Variants in MRTFA observed in about 807,000 individuals in gnomAD.
MRTFA encodes the protein myocardin-related transcription factor A.
In MRTFA, 20 loss-of-function variants were observed where a neutral mutation model predicts 83.5. The observed-to-expected ratio is 0.24, with a 90% CI of 0.17 to 0.35. The LOEUF is 0.35. MRTFA is among the 10% of genes least tolerant of loss of function. The pLI is 1.00. For missense variants in MRTFA, 1,200 were observed against 1,224.7 expected, an observed-to-expected ratio of 0.98 and a Z score of 0.30; for synonymous variants, 659 against 541.2, an observed-to-expected ratio of 1.22 and a Z score of -3.02.
chr22:40,484,166 G>GA (rs11301424), intron 3 of MRTFA, among the ~76,000 whole-genome samples: 163 of 145,276 alleles, frequency 1.1e-3, no homozygotes, highest in South Asian at 5.6e-3. Context: ...TATGGATAAA[G>GA]AAAAAAAAAA....
At chr22:40,411,956 T>TATCTA in intron 14 of MRTFA, 49 bp from the exon 15 acceptor site, 1 of 1,402,728 alleles carries the variant, frequency 7.1e-7, no homozygotes, top group Non-Finnish European at 9.3e-7. Flanking sequence ...CAAGCCTGTA[T>TATCTA]ATCTACATGC....
intron 2 of MRTFA, among the ~76,000 whole-genome samples, chr22:40,564,863 C>A (rs6001965): frequency 0.1 from 15,240 of 152,024 alleles, 922 homozygotes; most frequent in East Asian, 0.25. Flanking sequence ...TGTTGCCAGG[C>A]TGGTCTCAAA....
intron 3 of MRTFA, among the ~76,000 whole-genome samples, chr22:40,550,852 CTTTT>C (rs111531159): frequency 3.4e-5 from 3 of 89,524 alleles, no homozygotes; most frequent in Middle Eastern, 6.5e-3. Flanking sequence ...TTTCTTTTTT[CTTTT>C]TTTTTTTTTT....
chr22:40,579,782 C>T (rs909266312), intron 2 of MRTFA, among the ~76,000 whole-genome samples: 28 of 151,872 alleles, frequency 1.8e-4, no homozygotes, highest in Non-Finnish European at 2.9e-4. Flanking sequence ...ATCTCTTGAA[C>T]CTGGGAGGTG....
At chr22:40,524,707 A>G (rs754777287) in intron 3 of MRTFA, among the ~76,000 whole-genome samples, 1 of 150,774 alleles carries the variant, frequency 6.6e-6, no homozygotes, top group Non-Finnish European at 1.5e-5. Context: ...TCTATCTCCT[A>G]ATCATTATGC....
At chr22:40,608,860 C>A (rs1470783396) in intron 1 of MRTFA, among the ~76,000 whole-genome samples, 3 of 152,166 alleles carry the variant, frequency 2.0e-5, no homozygotes, top group Non-Finnish European at 4.4e-5. Context: ...AGGGGCAGCA[C>A]TATGTTATCC....
At position 40,420,431 on chromosome 22, in the gene MRTFA, G is replaced by C. The variant is rs749255930; in HGVS notation, c.1327C>G (p.Leu443Val). 3.1e-6 allele frequency: 5 copies of C among 1,613,648 alleles called. No homozygotes were observed. In the Admixed American group the frequency reaches 8.3e-5, roughly 27 times the overall value. Residue 443 changes from leucine (L) to valine (V), a missense_variant, in exon 11 of 15, where the codon CTG (leucine) becomes GTG (valine). Physicochemically the swap from Leu to Val is conservative, Grantham distance 32. Coordinates refer to ENST00000355630, the MANE Select transcript of MRTFA (RefSeq NM_020831.6). ...TTCATGTCGTCCAGGTTGGCCGGCAGGGCTCCCGGCTTGCCAGTCAGTGAG... is the reference window on the plus strand; with the variant it reads ...TTCATGTCGTCCAGGTTGGCCGGCACGGCTCCCGGCTTGCCAGTCAGTGAG...
At chr22:40,596,313 A>G (rs959192056) in intron 1 of MRTFA, among the ~76,000 whole-genome samples, 2 of 152,212 alleles carry the variant, frequency 1.3e-5, no homozygotes, top group African/African-American at 4.8e-5. Context: ...GACTGTTATC[A>G]AAAAAGGAGG....
intron 2 of MRTFA, among the ~76,000 whole-genome samples, chr22:40,555,933 C>T (rs1471462170): frequency 1.3e-5 from 2 of 152,008 alleles, no homozygotes; most frequent in East Asian, 3.9e-4. Context: ...GCCACCATGC[C>T]CAGCCCTAAG....
chr22:40,597,042 C>G (rs1241231038), intron 1 of MRTFA, among the ~76,000 whole-genome samples: 2 of 152,050 alleles, frequency 1.3e-5, no homozygotes, highest in Non-Finnish European at 2.9e-5. Context: ...CTCATAGCAT[C>G]TATTTCTCTG....
intron 12 of MRTFA, 148 bp from the exon 13 acceptor site, chr22:40,417,641 G>A: frequency 1.6e-6 from 1 of 620,454 alleles, no homozygotes; most frequent in South Asian, 2.0e-5. Flanking sequence ...GAGCTTTCAT[G>A]AAAGCCACTA....
Position 40,561,303 on chromosome 22 carries a change from T to C in MRTFA, c.-21-8936A>G, listed in dbSNP as rs139980392. Among the ~76,000 whole-genome samples the C allele has an allele frequency of 4.8e-4, 73 of 151,848 alleles. 3 individuals are homozygous for C. In the East Asian group the frequency reaches 0.012, roughly 26 times the overall value. On this transcript the variant is annotated intron_variant, in intron 2 of 14. Transcript: ENST00000355630. ...TCCTGATAGCTTACTATATATGTACTAGGTACTGCCCTACGTCCTACTGTA... is the reference window on the plus strand; with the variant it reads ...TCCTGATAGCTTACTATATATGTACCAGGTACTGCCCTACGTCCTACTGTA...
chr22:40,487,955 C>A (rs147529542), intron 3 of MRTFA, among the ~76,000 whole-genome samples: 4 of 151,984 alleles, frequency 2.6e-5, no homozygotes, highest in Non-Finnish European at 5.9e-5. Context: ...TGCTAGACAC[C>A]GTGGAGAAAA....
chr22:40,588,964 T>C (rs751903676), intron 2 of MRTFA, among the ~76,000 whole-genome samples: 103 of 152,010 alleles, frequency 6.8e-4, no homozygotes, highest in Middle Eastern at 3.4e-3. Context: ...CCTGGGGCAA[T>C]AGAGTAAGAC....
At chr22:40,511,927 C>T (rs908258970) in intron 3 of MRTFA, among the ~76,000 whole-genome samples, 2 of 152,184 alleles carry the variant, frequency 1.3e-5, no homozygotes, top group Non-Finnish European at 2.9e-5. Context: ...AGGCTGTGCA[C>T]TATCCAATAC....
At chr22:40,440,277 G>T (rs757514992) in intron 4 of MRTFA, among the ~76,000 whole-genome samples, 1 of 152,092 alleles carries the variant, frequency 6.6e-6, no homozygotes, top group East Asian at 1.9e-4. Context: ...GGCAGGGACC[G>T]TTATTTCATG....
chr22:40,465,885 C>T (rs1368365956), intron 3 of MRTFA, among the ~76,000 whole-genome samples: 1 of 151,990 alleles, frequency 6.6e-6, no homozygotes, highest in East Asian at 1.9e-4. Flanking sequence ...ATTATTAATC[C>T]TATTTTACCG....
chr22:40,576,185 C>A (rs144055212), intron 2 of MRTFA, among the ~76,000 whole-genome samples: 1 of 151,932 alleles, frequency 6.6e-6, no homozygotes, highest in African/African-American at 2.4e-5. Context: ...CGCGCCACCA[C>A]GCTCAGCTAA....
chr22:40,471,219 TA>T (rs61206773), intron 3 of MRTFA, among the ~76,000 whole-genome samples: 23,651 of 42,482 alleles, frequency 0.56, 5,671 homozygotes, highest in East Asian at 0.61. Flanking sequence ...CTGTTTCTAT[TA>T]AAAAAAAAAA....
Sources: gnomAD v4.1 joint callset for allele counts (sites outside exome capture counted in the v4.1 genomes callset) on GRCh38, gnomAD v4.1.1 for gene constraint, MANE v1.5 for transcripts, NCBI Gene and HGNC (gene_info 2026-07-23, HGNC 2026-07-21) for gene names.